SLC46A1: variants seen among roughly 807,000 people sequenced by gnomAD.
SLC46A1 encodes solute carrier family 46 member 1.
SLC46A1 carries 17 observed loss-of-function variants against 32.1 expected under a neutral mutation model. That is an observed-to-expected ratio of 0.53 (90% confidence interval 0.36 to 0.79). The LOEUF (loss-of-function observed/expected upper bound fraction) is 0.79. Ranked by LOEUF, SLC46A1 falls within the 30% of genes least tolerant of loss-of-function variation. The pLI is 0.00. For missense variants in SLC46A1, 517 were observed against 588.2 expected (o/e 0.88, Z 1.25); for synonymous variants, 240 against 262.7 (o/e 0.91, Z 0.84).
chr17:28,402,354 G>C (rs1008356391), intron 2 of SLC46A1, 33 bp from the exon 3 acceptor site: 4 of 1,591,206 alleles, frequency 2.5e-6, no homozygotes, highest in Non-Finnish European at 3.4e-6. Context: ...CAGGAAAATG[G>C]GGCTGGGGAG....
At chr17:28,399,933 G>T (rs2068176042) in intron 4 of SLC46A1, 3 of 538,822 alleles carry the variant, frequency 5.6e-6, no homozygotes, top group Admixed American at 3.0e-5. Context: ...TTGCTCTGTT[G>T]TCCAGGCTGG....
chr17:28,404,701 G>C lies in SLC46A1; in HGVS notation c.996C>G (p.Ala332=). 1 of 1,613,972 alleles carries C rather than the reference G, an allele frequency of 6.2e-7. No individual in the cohort carries two copies. The highest frequency in any genetic ancestry group is 8.5e-7 in the Non-Finnish European group (1 of 1,179,850). Residue 332 remains alanine, a synonymous_variant, in exon 2 of 5, where the codon GCC becomes GCG. Coordinates refer to ENST00000612814, the MANE Select transcript of SLC46A1 (RefSeq NM_080669.6). ...AGGCCAGGCCGATCTCAGCTACCCA[G>C]GCATCGGCCAGGCAGTACTGCAGGA... is the stretch of plus-strand genomic sequence containing the variant. The part of the protein sequence containing the change: ...LKLLQYCLAD[A]WVAEIGLAFN...
chr17:28,402,076 C>G, intron 3 of SLC46A1, 162 bp downstream of exon 3: 1 of 598,490 alleles, frequency 1.7e-6, no homozygotes, highest in East Asian at 2.8e-5. Flanking sequence ...GATCCTCTGC[C>G]CATTGTGGGC....
chr17:28,400,775 A>G lies in SLC46A1; in HGVS notation c.1166-9T>C, dbSNP rs2142455369. 2.6e-6 allele frequency: 4 copies of G among 1,557,298 alleles called. No homozygotes were observed. The highest frequency in any genetic ancestry group is 4.8e-5 in the East Asian group (2 of 41,510). On this transcript the variant is annotated splice_polypyrimidine_tract_variant and intron_variant, in intron 3 of 4. Transcript: ENST00000612814. Reference sequence around the variant, plus strand: ...AGCAGAAAAGAGAGCACCTGTGAAGAAATAAATACCATACTCTGGAGTCCG... The same window carrying G: ...AGCAGAAAAGAGAGCACCTGTGAAGGAATAAATACCATACTCTGGAGTCCG...
At chr17:28,401,358 G>A (rs2068195611) in intron 3 of SLC46A1, 1 of 158,562 alleles carries the variant, frequency 6.3e-6, no homozygotes, top group African/African-American at 2.4e-5. Context: ...GACATCTCTG[G>A]GCACAGAGAA....
chr17:28,399,477 G>C lies in SLC46A1; in HGVS notation c.*179C>G, dbSNP rs1353053693. On this transcript the variant is annotated 3_prime_UTR_variant, in exon 5 of 5. Transcript: ENST00000612814. Reference sequence around the variant, plus strand: ...TTATGATTCTAGATCCTAGACAGAGGCTGGGTCAGCTGTGGATGGGGTGGT... The same window carrying C: ...TTATGATTCTAGATCCTAGACAGAGCCTGGGTCAGCTGTGGATGGGGTGGT... The C allele has an allele frequency of 4.8e-6, 3 of 627,484 alleles. No homozygotes were observed. The highest frequency in any genetic ancestry group is 3.7e-5 in the African/African-American group (2 of 54,468). The allele number at this position is 627,484 out of a possible 1,614,324, so 38.9% of individuals were successfully genotyped here.
rs1555589104 is a variant in SLC46A1 at position 28,399,701 on chromosome 17, CT to C, written c.1334del (p.Lys445ArgfsTer52). On this transcript the variant is annotated frameshift_variant, in exon 5 of 5. Transcript: ENST00000612814. LOFTEE classifies it high-confidence loss of function. ...GCTGGAACTCGAGGTGAGGATCAGCCTTTTCCAGCATCCTGTGAGAGACCAG... is the reference window on the plus strand; with the variant it reads ...GCTGGAACTCGAGGTGAGGATCAGCCTTTCCAGCATCCTGTGAGAGACCAG... ...IPAVLIGMLE[K>X]ADPHLEFQQF... 2.5e-6 allele frequency: 4 copies of C among 1,613,816 alleles called. No homozygotes were observed. The highest frequency in any genetic ancestry group is 1.3e-5 in the African/African-American group (1 of 74,884).
chr17:28,405,539 C>G (rs369009125), intron 1 of SLC46A1, 71 bp from the exon 2 acceptor site: 5 of 1,552,194 alleles, frequency 3.2e-6, no homozygotes, highest in Non-Finnish European at 4.3e-6. Flanking sequence ...CTCGCCATCC[C>G]GGGAGCTACA....
Position 28,406,136 on chromosome 17 carries a change from C to A in SLC46A1, c.-22G>T, listed in dbSNP as rs782304853. ...CCATGTGCGTGCGCGGCGGAGCTGT[C>A]GCCAGGCGGGCGGCGGGGCGCGCGA... On this transcript the variant is annotated 5_prime_UTR_variant, in exon 1 of 5. Transcript: ENST00000612814. This position sits in a 1 kb window ranked among gnomAD's most constrained non-coding sequence, Gnocchi z 4.5. The A allele has an allele frequency of 3.1e-5, 42 of 1,366,788 alleles. No individual in the cohort carries two copies. Among genetic ancestry groups the A allele is most frequent in the Admixed American group, 2.0e-4 (5 of 25,398 alleles). The allele number at this position is 1,366,788 out of a possible 1,614,324, so 84.7% of individuals were successfully genotyped here.
chr17:28,399,186 A>C lies in SLC46A1; in HGVS notation c.*470T>G. ...CCTCTTACCTCCCTCCCTCCTTCCC[A>C]AGGCTGGCACTAACCAGGTACCACA... On this transcript the variant is annotated 3_prime_UTR_variant, in exon 5 of 5. Coordinates refer to ENST00000612814, the MANE Select transcript of SLC46A1 (RefSeq NM_080669.6). 1 of 160,144 alleles carries C rather than the reference A, an allele frequency of 6.2e-6. No individual in the cohort carries two copies. The highest frequency in any genetic ancestry group is 1.4e-5 in the Non-Finnish European group (1 of 72,608). The allele number at this position is 160,144 out of a possible 1,614,324, so 9.9% of individuals were successfully genotyped here.
chr17:28,404,031 A>G (rs2068226060), intron 2 of SLC46A1: 1 of 155,682 alleles, frequency 6.4e-6, no homozygotes. Context: ...TCAATCAAAT[A>G]AAAATTTTAA....
In SLC46A1 at chr17:28,406,072, G is replaced by T; in HGVS notation, c.43C>A (p.Pro15Thr). The T allele has an allele frequency of 1.3e-6, 2 of 1,588,872 alleles. No homozygotes were observed. Among genetic ancestry groups the T allele is most frequent in the African/African-American group, 1.4e-5 (1 of 73,776 alleles). The change falls in exon 1 of 5, where the codon CCT becomes ACT. Residue 15 changes from proline (P) to threonine (T), a missense_variant. Transcript: ENST00000612814. The surrounding 1 kb of genome is among the most constrained non-coding windows in gnomAD (Gnocchi z 4.5). ...CCCCGGCACAGCACGGCAGCCGCAG[G>T]GCGGGCGCGGGGCTTTTCCGGGGGG... is the stretch of plus-strand genomic sequence containing the variant. ...ASPPEKPRAR[P>T]AAAVLCRGPV...
rs1555590405 is a variant in SLC46A1 at position 28,404,642 on chromosome 17, G to A, written c.1055C>T (p.Ala352Val). Residue 352 changes from alanine (A) to valine (V), a missense_variant, in exon 2 of 5, where the codon GCC (alanine) becomes GTC (valine). Coordinates refer to ENST00000612814, the MANE Select transcript of SLC46A1 (RefSeq NM_080669.6). ...NILGMVVFAF[A>V]TITPLMFTGY... Reference sequence around the variant, plus strand: ...TGTGAACATGAGAGGCGTGATAGTGGCAAAGGCAAAGACCACCATCCCCAG... The same window carrying A: ...TGTGAACATGAGAGGCGTGATAGTGACAAAGGCAAAGACCACCATCCCCAG... 2 of 1,611,144 alleles carry A rather than the reference G, an allele frequency of 1.2e-6. No homozygotes were observed. Among genetic ancestry groups the A allele is most frequent in the Non-Finnish European group, 1.7e-6 (2 of 1,177,714 alleles).
chr17:28,405,827 G>A, intron 1 of SLC46A1, 60 bp downstream of exon 1: 1 of 1,488,660 alleles, frequency 6.7e-7, no homozygotes, highest in Non-Finnish European at 9.0e-7. Context: ...CCGCCCCTCC[G>A]CTGCCCCCAC....
In SLC46A1 at chr17:28,400,741, A is replaced by G. The variant is rs782456428; in HGVS notation, c.1191T>C (p.Cys397=). Residue 397 remains cysteine (C), a synonymous_variant, in exon 4 of 5, where the codon TGT becomes TGC. Coordinates refer to ENST00000612814, the MANE Select transcript of SLC46A1 (RefSeq NM_080669.6). ...CCGTCAGCATGGCCAGGCTATTCAC[A>G]CAGGCCACAGCAGAAAAGAGAGCAC... ...EQGALFSAVA[C]VNSLAMLTAS... The G allele has an allele frequency of 6.3e-7, 1 of 1,588,330 alleles. No individual in the cohort carries two copies.
In SLC46A1 at chr17:28,399,644, G is replaced by T. The variant is rs1362875872; in HGVS notation, c.*12C>A. ...TTGCTCCTCTTGCCCTCTGTCTTCT[G>T]GTCCAGGCAGATCAGGGGCTCTGGG... On this transcript the variant is annotated 3_prime_UTR_variant, in exon 5 of 5. Transcript: ENST00000612814. 2 of 1,613,750 alleles carry T rather than the reference G, an allele frequency of 1.2e-6. No homozygotes were observed. The highest frequency in any genetic ancestry group is 2.7e-5 in the African/African-American group (2 of 74,908).
chr17:28,395,679 G>C lies in SLC46A1; in HGVS notation c.*3977C>G, dbSNP rs1456591143. 1.9e-6 allele frequency: 1 copy of C among 525,532 alleles called. No homozygotes were observed. The highest frequency in any genetic ancestry group is 3.2e-5 in the Admixed American group (1 of 31,356). The allele number at this position is 525,532 out of a possible 1,614,324, so 32.6% of individuals were successfully genotyped here. ...GCATACAAAGACACTCATCACTCAA[G>C]AGATTCCAAGGGTTTTAGCAGCTCT... On this transcript the variant is annotated 3_prime_UTR_variant, in exon 5 of 5. Transcript: ENST00000612814.
rs41297071 is a variant in SLC46A1 at position 28,405,926 on chromosome 17, C to T, written c.189G>A (p.Arg63=). Residue 63 remains arginine (R), a synonymous_variant, in exon 1 of 5, where the codon AGG becomes AGA. Transcript: ENST00000612814. ...ADLGYNGTRQ[R]GGCSNRSADP... Reference sequence around the variant, plus strand: ...CCGCGCTGCGGTTGCTGCAGCCCCCCCTTTGGCGGGTGCCATTGTAGCCGA... The same window carrying T: ...CCGCGCTGCGGTTGCTGCAGCCCCCTCTTTGGCGGGTGCCATTGTAGCCGA... The T allele has an allele frequency of 2.4e-5, 39 of 1,609,716 alleles. 1 individual carries two copies. In the South Asian group the frequency reaches 3.1e-4, roughly 13 times the overall value.
In SLC46A1 at chr17:28,396,209, C is replaced by G. The variant is rs1555587925; in HGVS notation, c.*3447G>C. The G allele has an allele frequency of 2.5e-6, 4 of 1,614,010 alleles. No individual in the cohort carries two copies. The highest frequency in any genetic ancestry group is 1.1e-5 in the South Asian group (1 of 91,088). On this transcript the variant is annotated 3_prime_UTR_variant, in exon 5 of 5. Coordinates refer to ENST00000612814, the MANE Select transcript of SLC46A1 (RefSeq NM_080669.6). ...CATTGAGAAGATCATCCGCTTCCTGCAGGGCCGCTCCTCCCGGGACTCATC... is the reference window on the plus strand; with the variant it reads ...CATTGAGAAGATCATCCGCTTCCTGGAGGGCCGCTCCTCCCGGGACTCATC...
Sources: allele counts gnomAD v4.1 joint callset, GRCh38; gene constraint gnomAD v4.1.1; non-coding constraint Gnocchi (gnomAD v3.1); transcripts MANE v1.5; gene names NCBI Gene and HGNC (gene_info 2026-07-23, HGNC 2026-07-21).